The following CTNNA3 variants were observed in gnomAD, a reference collection of about 807,000 sequenced individuals.
CTNNA3 encodes the protein catenin alpha 3.
Under a neutral mutation model 95.7 loss-of-function variants are expected in CTNNA3, and 76 were observed. That is an observed-to-expected ratio of 0.79 (90% CI 0.66 to 0.96). The LOEUF (loss-of-function observed/expected upper bound fraction) is 0.96, where lower values mean the gene tolerates loss of function less well. CTNNA3 is among the 40% of genes least tolerant of loss of function. The pLI is 0.00. For synonymous variants in CTNNA3, 431 were observed against 374.4 expected, an observed-to-expected ratio of 1.15 and a Z score of -1.74; for missense variants, 1,191 against 1,089.8, an observed-to-expected ratio of 1.09 and a Z score of -1.31.
chr10:66,562,137 G>T (rs1430621852), intron 10 of CTNNA3, among the ~76,000 whole-genome samples: 1 of 152,024 alleles, frequency 6.6e-6, no homozygotes, highest in Non-Finnish European at 1.5e-5. Context: ...CAAAGACATA[G>T]GACATTGTGC....
At chr10:66,438,639 G>A (rs559117772) in intron 11 of CTNNA3, among the ~76,000 whole-genome samples, 8 of 152,136 alleles carry the variant, frequency 5.3e-5, no homozygotes, top group African/African-American at 7.2e-5. Context: ...CTCCATGGGG[G>A]TGGGATCCGC....
At chr10:66,658,553 C>A (rs1846147769) in intron 9 of CTNNA3, among the ~76,000 whole-genome samples, 1 of 152,074 alleles carries the variant, frequency 6.6e-6, no homozygotes, top group African/African-American at 2.4e-5. Context: ...TTTGACAAAG[C>A]CAATGAGTGA....
chr10:66,855,491 T>C (rs1323432873), intron 7 of CTNNA3, among the ~76,000 whole-genome samples: 1 of 152,016 alleles, frequency 6.6e-6, no homozygotes, highest in Non-Finnish European at 1.5e-5. Flanking sequence ...CTAGTGAATG[T>C]CACTTTTCTA....
At chr10:66,210,811 A>G (rs557974171) in intron 13 of CTNNA3, among the ~76,000 whole-genome samples, 1 of 152,344 alleles carries the variant, frequency 6.6e-6, no homozygotes, top group African/African-American at 2.4e-5. Context: ...TGTAGTTTAC[A>G]ATTGTGTTTA....
At chr10:66,063,379 A>G (rs1197811199) in intron 15 of CTNNA3, among the ~76,000 whole-genome samples, 1 of 150,360 alleles carries the variant, frequency 6.7e-6, no homozygotes, top group Non-Finnish European at 1.5e-5. Flanking sequence ...CTTCTCTATC[A>G]AAGTTGTCAC....
chr10:66,469,896 A>G (rs1395473082), intron 11 of CTNNA3, among the ~76,000 whole-genome samples: 1 of 151,808 alleles, frequency 6.6e-6, no homozygotes, highest in Non-Finnish European at 1.5e-5. Context: ...AAGAGAGGAA[A>G]TGAGGGTAGT....
intron 9 of CTNNA3, among the ~76,000 whole-genome samples, chr10:66,741,948 C>G (rs1314382453): frequency 6.6e-6 from 1 of 152,098 alleles, no homozygotes; most frequent in Non-Finnish European, 1.5e-5. Flanking sequence ...ATTGTGTTAA[C>G]TGCACAAATT....
intron 7 of CTNNA3, among the ~76,000 whole-genome samples, chr10:67,033,393 A>G (rs1443895473): frequency 1.3e-5 from 2 of 152,176 alleles, no homozygotes; most frequent in African/African-American, 4.8e-5. Context: ...TCTCCCATCA[A>G]TTTTTGAGGA....
At chr10:67,347,408 G>A (rs1842465140) in intron 5 of CTNNA3, among the ~76,000 whole-genome samples, 1 of 152,052 alleles carries the variant, frequency 6.6e-6, no homozygotes, top group South Asian at 2.1e-4. Flanking sequence ...GTTGCATAAT[G>A]AAACAGTATT....
At chr10:66,311,088 A>G (rs2092014749) in intron 12 of CTNNA3, among the ~76,000 whole-genome samples, 1 of 152,228 alleles carries the variant, frequency 6.6e-6, no homozygotes, top group Non-Finnish European at 1.5e-5. Context: ...TCCCAGAATC[A>G]CTAGAAAAAG....
intron 12 of CTNNA3, among the ~76,000 whole-genome samples, chr10:66,367,699 T>G (rs1336808195): frequency 6.7e-6 from 1 of 149,128 alleles, no homozygotes; most frequent in Non-Finnish European, 1.5e-5. Flanking sequence ...ATTTTAAAAT[T>G]TTGGGGTCAT....
At chr10:66,989,423 A>AATT (rs1394900973) in intron 7 of CTNNA3, among the ~76,000 whole-genome samples, 2 of 152,198 alleles carry the variant, frequency 1.3e-5, no homozygotes, top group Admixed American at 1.3e-4. Flanking sequence ...GGTATAACAG[A>AATT]ATTAGACTAC....
chr10:66,780,704 A>T (rs539607325), intron 7 of CTNNA3, among the ~76,000 whole-genome samples: 41 of 152,310 alleles, frequency 2.7e-4, no homozygotes, highest in Admixed American at 5.9e-4. Context: ...AATATCTTAC[A>T]TATATTTTGT....
chr10:67,097,485 T>C lies in CTNNA3; in HGVS notation c.1047+82832A>G, dbSNP rs904238739. The C allele has an allele frequency of 1.0e-4, 103 of 989,570 alleles. 1 individual carries two copies. Among genetic ancestry groups the C allele is most frequent in the African/African-American group, 9.4e-4 (59 of 62,622 alleles). The allele number at this position is 989,570 out of a possible 1,614,324, so 61.3% of individuals were successfully genotyped here. A position where few individuals can be genotyped will look rare whatever the true frequency, so the allele number is the denominator to read the frequency against. On this transcript the variant is annotated intron_variant, in intron 7 of 17. Coordinates refer to ENST00000433211, the MANE Select transcript of CTNNA3 (RefSeq NM_013266.4). Reference sequence around the variant, plus strand: ...CACCTGGGCCACAGGGCCACAGATATAACCATGGAGGTTAGTCAGGTCAGC... The same window carrying C: ...CACCTGGGCCACAGGGCCACAGATACAACCATGGAGGTTAGTCAGGTCAGC...
intron 3 of CTNNA3, among the ~76,000 whole-genome samples, chr10:67,547,084 C>T (rs1175301853): frequency 6.6e-6 from 1 of 152,102 alleles, no homozygotes; most frequent in Non-Finnish European, 1.5e-5. Flanking sequence ...ACATGGTCTC[C>T]ACCAGGTACC....
intron 17 of CTNNA3, among the ~76,000 whole-genome samples, chr10:65,923,449 T>C (rs998385052): frequency 6.6e-6 from 1 of 152,246 alleles, no homozygotes; most frequent in Non-Finnish European, 1.5e-5. Flanking sequence ...ACTGGCTTAA[T>C]ACATTCTTTT....
chr10:66,135,508 T>C (rs2083300738), intron 13 of CTNNA3, among the ~76,000 whole-genome samples: 1 of 152,116 alleles, frequency 6.6e-6, no homozygotes, highest in Admixed American at 6.6e-5. Flanking sequence ...AGCTTTTCTT[T>C]GTAGAAAAAT....
intron 9 of CTNNA3, among the ~76,000 whole-genome samples, chr10:66,640,279 T>G (rs563361353): frequency 6.6e-6 from 1 of 152,110 alleles, no homozygotes; most frequent in Non-Finnish European, 1.5e-5. Context: ...TGACCACTCA[T>G]GGCATAGTCG....
chr10:66,665,785 C>G (rs961150150), intron 9 of CTNNA3, among the ~76,000 whole-genome samples: 1 of 152,152 alleles, frequency 6.6e-6, no homozygotes, highest in African/African-American at 2.4e-5. Context: ...TCTTTTTAAT[C>G]ATAAAACACC....
Sources: allele counts gnomAD v4.1 joint callset (sites outside exome capture counted in the v4.1 genomes callset), GRCh38; gene constraint gnomAD v4.1.1; transcripts MANE v1.5; gene names NCBI Gene and HGNC (gene_info 2026-07-23, HGNC 2026-07-21).